Variants in FAM78B observed in about 807,000 individuals in gnomAD.
FAM78B encodes the protein family with sequence similarity 78 member B.
In FAM78B, 10 loss-of-function variants were observed where a neutral mutation model predicts 20.0. The observed-to-expected ratio is 0.50, with a 90% CI of 0.31 to 0.85. The LOEUF is 0.85. Ranked by LOEUF, FAM78B falls within the 40% of genes least tolerant of loss-of-function variation. The probability of loss-of-function intolerance (pLI) is 0.05; values close to 1 mark genes in which losing one functional copy is unlikely to be tolerated. For missense variants in FAM78B, 283 were observed against 345.0 expected (o/e 0.82, Z 1.42); for synonymous variants, 135 against 132.8 (o/e 1.02, Z -0.12).
chr1:166,108,183 C>T lies in FAM78B; in HGVS notation c.264-37420G>A, dbSNP rs534499104. Among the ~76,000 whole-genome samples the T allele has an allele frequency of 5.3e-5, 8 of 152,084 alleles. No individual in the cohort carries two copies. In the South Asian group the frequency reaches 1.0e-3, roughly 20 times the overall value. On this transcript the variant is annotated intron_variant, in intron 1 of 1. Transcript: ENST00000354422. ...AGAAAGAAATAAAGGGCATCGAAATCGGTAAAGAGGAAGTCAAACTGTCAC... is the reference window on the plus strand; with the variant it reads ...AGAAAGAAATAAAGGGCATCGAAATTGGTAAAGAGGAAGTCAAACTGTCAC...
chr1:166,072,316 G>A (rs74118966), intron 1 of FAM78B, among the ~76,000 whole-genome samples: 4,502 of 152,236 alleles, frequency 0.03, 194 homozygotes, highest in African/African-American at 0.095. Context: ...GCCTGGGGAG[G>A]AGGTGACCCC....
chr1:166,102,428 T>G (rs1653564689), intron 1 of FAM78B, among the ~76,000 whole-genome samples: 1 of 151,842 alleles, frequency 6.6e-6, no homozygotes, highest in Non-Finnish European at 1.5e-5. Context: ...GGATAAAGAG[T>G]CAAGACCCAT....
At position 166,109,893 on chromosome 1, in the gene FAM78B, T is replaced by C. The variant is rs1179391079; in HGVS notation, c.264-39130A>G. ...GTATATATATATATGTATATATGTA[T>C]ATATATATATATATATATATATATA... On this transcript the variant is annotated intron_variant, in intron 1 of 1. Transcript: ENST00000354422. Among the ~76,000 whole-genome samples the C allele has an allele frequency of 1.1e-3, 45 of 40,228 alleles. 9 individuals carry two copies. Among genetic ancestry groups the C allele is most frequent in the Middle Eastern group, 0.013 (1 of 78 alleles). The allele number at this position is 40,228 out of a possible 152,430, so 26.4% of individuals were successfully genotyped here.
At chr1:166,144,514 A>C (rs1190169876) in intron 1 of FAM78B, among the ~76,000 whole-genome samples, 2 of 152,158 alleles carry the variant, frequency 1.3e-5, no homozygotes, top group African/African-American at 2.4e-5. Flanking sequence ...TCTCTGTCCA[A>C]AGGTGGGAGA....
At chr1:166,075,806 A>G (rs1195643626) in intron 1 of FAM78B, among the ~76,000 whole-genome samples, 1 of 152,156 alleles carries the variant, frequency 6.6e-6, no homozygotes, top group Non-Finnish European at 1.5e-5. Context: ...TCATGATTTT[A>G]AGTACCATCT....
intron 1 of FAM78B, among the ~76,000 whole-genome samples, chr1:166,109,874 ATATATATGTATATATG>A (rs1341994972): frequency 1.1e-4 from 2 of 17,802 alleles, no homozygotes; most frequent in South Asian, 2.4e-3. Flanking sequence ...ATGTGTATAT[ATATATATGTATATATG>A]TATATATATA....
chr1:166,109,812 A>G (rs1376187311), intron 1 of FAM78B, among the ~76,000 whole-genome samples: 16 of 33,062 alleles, frequency 4.8e-4, no homozygotes, highest in South Asian at 1.5e-3. Context: ...ATATGTATAT[A>G]TGTATATATA....
At chr1:166,119,983 G>T (rs547098267) in intron 1 of FAM78B, among the ~76,000 whole-genome samples, 1 of 152,304 alleles carries the variant, frequency 6.6e-6, no homozygotes, top group Admixed American at 6.5e-5. Flanking sequence ...TCAGCCTGTG[G>T]ATCTACTGTT....
intron 1 of FAM78B, among the ~76,000 whole-genome samples, chr1:166,159,943 G>T (rs1656079319): frequency 6.6e-6 from 1 of 152,192 alleles, no homozygotes; most frequent in African/African-American, 2.4e-5. Context: ...GGGCACTCAG[G>T]ACTTTAATAA....
chr1:166,092,653 C>A (rs185056127), intron 1 of FAM78B, among the ~76,000 whole-genome samples: 1 of 152,332 alleles, frequency 6.6e-6, no homozygotes, highest in African/African-American at 2.4e-5. Context: ...GAACTCCAGT[C>A]CTGACCCCTG....
Position 166,133,190 on chromosome 1 carries a change from C to A in FAM78B, c.263+32796G>T, listed in dbSNP as rs75812730. Among the ~76,000 whole-genome samples the A allele has an allele frequency of 1.5e-3, 222 of 152,250 alleles. 2 individuals carry two copies. Among genetic ancestry groups the A allele is most frequent in the East Asian group, 7.9e-3 (41 of 5,176 alleles). Reference sequence around the variant, plus strand: ...TTAGACCCCAGTGTTTTTCTACTGGCTTCCTGGAGGAAGAATAAGGGCTGA... The same window carrying A: ...TTAGACCCCAGTGTTTTTCTACTGGATTCCTGGAGGAAGAATAAGGGCTGA... On this transcript the variant is annotated intron_variant, in intron 1 of 1. Coordinates refer to ENST00000354422, the MANE Select transcript of FAM78B (RefSeq NM_001017961.5).
intron 1 of FAM78B, chr1:166,087,248 A>G (rs1238980548): frequency 6.6e-6 from 1 of 152,090 alleles, no homozygotes; most frequent in African/African-American, 2.4e-5. Context: ...TATTTTTGAT[A>G]GAGACGGGGT....
intron 1 of FAM78B, 80 bp from the exon 2 acceptor site, chr1:166,070,843 C>T: frequency 7.0e-7 from 1 of 1,433,348 alleles, no homozygotes. Flanking sequence ...TCACTGCTTA[C>T]TAACATAGTC....
At position 166,133,973 on chromosome 1, in the gene FAM78B, CG is replaced by C. The variant is rs772743443; in HGVS notation, c.263+32012del. Among the ~76,000 whole-genome samples the C allele has an allele frequency of 3.3e-5, 5 of 152,202 alleles. No individual in the cohort carries two copies. The East Asian group carries it at 9.6e-4, about 29-fold the overall frequency. On this transcript the variant is annotated intron_variant, in intron 1 of 1. Transcript: ENST00000354422. ...CATGTACTTACCTCCATTTTACCAA[CG>C]GGAGACTGAGAGTCAGTGAGTGACT...
chr1:166,122,501 A>G (rs1481383891), intron 1 of FAM78B, among the ~76,000 whole-genome samples: 3 of 152,256 alleles, frequency 2.0e-5, no homozygotes, highest in African/African-American at 7.2e-5. Context: ...CCAACATTAT[A>G]TAAGCCAACT....
intron 1 of FAM78B, among the ~76,000 whole-genome samples, chr1:166,077,896 T>TACAAAATA (rs1557890986): frequency 1.2e-4 from 1 of 8,196 alleles, no homozygotes; most frequent in Admixed American, 2.7e-3. Context: ...TAAATATATA[T>TACAAAATA]AATTTATATA....
chr1:166,140,063 G>A (rs1029343472), intron 1 of FAM78B, among the ~76,000 whole-genome samples: 6 of 152,222 alleles, frequency 3.9e-5, no homozygotes, highest in African/African-American at 1.2e-4. Context: ...GAGCAGGAAC[G>A]AGCTTAGAGC....
intron 1 of FAM78B, among the ~76,000 whole-genome samples, chr1:166,088,560 G>C (rs772714542): frequency 6.6e-6 from 1 of 152,212 alleles, no homozygotes; most frequent in Non-Finnish European, 1.5e-5. Flanking sequence ...CCTTCTTGCA[G>C]AGCTGCCATG....
At chr1:166,072,164 T>C (rs1380223788) in intron 1 of FAM78B, among the ~76,000 whole-genome samples, 2 of 152,194 alleles carry the variant, frequency 1.3e-5, no homozygotes, top group East Asian at 1.9e-4. Flanking sequence ...GGAATTGCAT[T>C]GTCAAGCTAG....
Sources: gnomAD v4.1 joint callset for allele counts (sites outside exome capture counted in the v4.1 genomes callset) on GRCh38, gnomAD v4.1.1 for gene constraint, MANE v1.5 for transcripts, NCBI Gene and HGNC (gene_info 2026-07-23, HGNC 2026-07-21) for gene names.